The following KCNS3 variants were observed in gnomAD, a reference collection of about 807,000 sequenced individuals.
The protein encoded by KCNS3 is delayed-rectifier potassium channel regulatory subunit KCNS3.
KCNS3 carries 13 observed loss-of-function variants against 31.0 expected under a neutral mutation model. That is an observed-to-expected ratio of 0.42 (90% confidence interval 0.27 to 0.67). The LOEUF is 0.67. Ranked by LOEUF, KCNS3 falls within the 30% of genes least tolerant of loss-of-function variation. The probability of loss-of-function intolerance (pLI) is 0.25; values close to 1 mark genes in which losing one functional copy is unlikely to be tolerated. For missense variants in KCNS3, 545 were observed against 622.4 expected (o/e 0.88, Z 1.32); for synonymous variants, 238 against 241.5 (o/e 0.99, Z 0.13).
chr2:17,891,391 G>T (rs1455403796), intron 1 of KCNS3, among the ~76,000 whole-genome samples: 1 of 152,132 alleles, frequency 6.6e-6, no homozygotes, highest in Non-Finnish European at 1.5e-5. Context: ...GAGCATTTAG[G>T]TCATTTACAT....
intron 2 of KCNS3, among the ~76,000 whole-genome samples, chr2:17,927,648 A>G (rs187942619): frequency 2.0e-5 from 3 of 152,218 alleles, no homozygotes; most frequent in South Asian, 4.2e-4. Context: ...AAAACCATCA[A>G]ATCTTGTGAG....
At chr2:17,894,164 T>G (rs1011080465) in intron 1 of KCNS3, among the ~76,000 whole-genome samples, 1 of 152,060 alleles carries the variant, frequency 6.6e-6, no homozygotes, top group African/African-American at 2.4e-5. Flanking sequence ...AGAAACAATT[T>G]CCATGCAGAC....
chr2:17,889,327 GAGGAGTCCTT>G (rs1426002518), intron 1 of KCNS3, among the ~76,000 whole-genome samples: 1 of 152,126 alleles, frequency 6.6e-6, no homozygotes, highest in Non-Finnish European at 1.5e-5. Context: ...GAGCTTTCTG[GAGGAGTCCTT>G]AGAATTTTCA....
At chr2:17,882,053 G>A (rs1025749969) in intron 1 of KCNS3, among the ~76,000 whole-genome samples, 6 of 152,080 alleles carry the variant, frequency 3.9e-5, no homozygotes, top group Admixed American at 2.0e-4. Flanking sequence ...GTACTCCGAC[G>A]CAAATTTGTC....
chr2:17,891,794 G>A (rs1661862669), intron 1 of KCNS3, among the ~76,000 whole-genome samples: 1 of 152,162 alleles, frequency 6.6e-6, no homozygotes, highest in African/African-American at 2.4e-5. Flanking sequence ...TGAGAAATCT[G>A]CTGTTAATCT....
At chr2:17,888,466 G>GTAAT (rs1661743285) in intron 1 of KCNS3, among the ~76,000 whole-genome samples, 1 of 151,358 alleles carries the variant, frequency 6.6e-6, no homozygotes, top group Non-Finnish European at 1.5e-5. Flanking sequence ...TATTGAAAAG[G>GTAAT]GTGTGGAGTG....
rs559734294 is a variant in KCNS3, at chr2:17,921,387, T to C, written c.-60+3516T>C. ...GTAATTTTATCAATAAATATTTTAG[T>C]ATGTATTTCCAAAAGATAAGGGTTT... On this transcript the variant is annotated intron_variant, in intron 2 of 2. Transcript: ENST00000304101. 1.5e-4 allele frequency among the ~76,000 whole-genome samples: 23 copies of C among 152,294 alleles called. 1 individual carries two copies. The highest frequency in any genetic ancestry group is 5.5e-4 in the African/African-American group (23 of 41,582).
chr2:17,916,974 G>A (rs904979113), intron 1 of KCNS3, among the ~76,000 whole-genome samples: 4 of 152,126 alleles, frequency 2.6e-5, no homozygotes, highest in African/African-American at 7.2e-5. Flanking sequence ...GCATCAGCAT[G>A]AGGCAAGGCT....
At chr2:17,895,002 T>A (rs1661989044) in intron 1 of KCNS3, among the ~76,000 whole-genome samples, 2 of 152,190 alleles carry the variant, frequency 1.3e-5, no homozygotes, top group African/African-American at 4.8e-5. Flanking sequence ...GGGATCTCAT[T>A]ATTTTATAAT....
Position 17,896,068 on chromosome 2 carries a change from A to G in KCNS3, c.-252+17262A>G, listed in dbSNP as rs563262784. 2.0e-5 allele frequency among the ~76,000 whole-genome samples: 3 copies of G among 152,154 alleles called. No homozygotes were observed. In the South Asian group the frequency reaches 6.2e-4, roughly 32 times the overall value. On this transcript the variant is annotated intron_variant, in intron 1 of 2. Coordinates refer to ENST00000304101, the MANE Select transcript of KCNS3 (RefSeq NM_002252.5). The stretch of plus-strand genomic sequence containing the variant: ...GTTTATTTCTTTTTATTTTTTAGAG[A>G]TGGGCTCACTCTGTTGCCCAGTGGA...
At chr2:17,924,039 A>G (rs535140496) in intron 2 of KCNS3, among the ~76,000 whole-genome samples, 4 of 152,072 alleles carry the variant, frequency 2.6e-5, no homozygotes, top group African/African-American at 7.2e-5. Context: ...TAATTTTTTC[A>G]ACAACATTGT....
chr2:17,929,100 G>T (rs930317529), intron 2 of KCNS3, among the ~76,000 whole-genome samples: 1 of 152,132 alleles, frequency 6.6e-6, no homozygotes, highest in African/African-American at 2.4e-5. Context: ...ACCCTTTAGT[G>T]GTCTTGCTGA....
chr2:17,892,491 G>T (rs1207549105), intron 1 of KCNS3, among the ~76,000 whole-genome samples: 3 of 151,990 alleles, frequency 2.0e-5, no homozygotes, highest in Non-Finnish European at 2.9e-5. Flanking sequence ...GTGATTTTTT[G>T]GGGGGTGTTG....
intron 1 of KCNS3, among the ~76,000 whole-genome samples, chr2:17,888,660 TATATATATATATAA>T (rs1661762670): frequency 7.4e-6 from 1 of 135,064 alleles, no homozygotes; most frequent in Non-Finnish European, 1.6e-5. Flanking sequence ...TATATATATA[TATATATATATATAA>T]AGAAAAGGGT....
intron 1 of KCNS3, among the ~76,000 whole-genome samples, chr2:17,888,952 A>C (rs1661771892): frequency 6.6e-6 from 1 of 151,906 alleles, no homozygotes; most frequent in African/African-American, 2.4e-5. Flanking sequence ...TGTTTTTTCT[A>C]AGTCTGTGAA....
At chr2:17,928,806 A>C (rs2125254648) in intron 2 of KCNS3, among the ~76,000 whole-genome samples, 2 of 152,284 alleles carry the variant, frequency 1.3e-5, no homozygotes, top group Admixed American at 1.3e-4. Flanking sequence ...TACAGACTAG[A>C]AAACACATCC....
At chr2:17,909,679 C>T (rs1242381567) in intron 1 of KCNS3, among the ~76,000 whole-genome samples, 1 of 152,116 alleles carries the variant, frequency 6.6e-6, no homozygotes, top group African/African-American at 2.4e-5. Context: ...TGAGTGAAGA[C>T]TTGAGGGAAG....
At chr2:17,915,179 G>A (rs1337092367) in intron 1 of KCNS3, among the ~76,000 whole-genome samples, 2 of 152,148 alleles carry the variant, frequency 1.3e-5, no homozygotes, top group Non-Finnish European at 2.9e-5. Context: ...AAGAAAGGAG[G>A]GAATTCTGCA....
intron 2 of KCNS3, among the ~76,000 whole-genome samples, chr2:17,918,790 C>T (rs147194686): frequency 1.3e-5 from 2 of 152,290 alleles, no homozygotes; most frequent in East Asian, 3.9e-4. Context: ...ATCATAATGC[C>T]TTGTGATATG....
Sources: gnomAD v4.1 joint callset for allele counts (sites outside exome capture counted in the v4.1 genomes callset) on GRCh38, gnomAD v4.1.1 for gene constraint, MANE v1.5 for transcripts, NCBI Gene and HGNC (gene_info 2026-07-23, HGNC 2026-07-21) for gene names.